The following PHACTR4 variants were observed in gnomAD, a reference collection of about 807,000 sequenced individuals.
PHACTR4 encodes the protein phosphatase and actin regulator 4.
A neutral mutation model predicts 72.7 loss-of-function variants in PHACTR4; 51 were observed. The ratio of observed to expected loss-of-function variants is 0.70; its 90% CI spans 0.56 to 0.89. The LOEUF is 0.89. Ranked by LOEUF, PHACTR4 falls within the 40% of genes least tolerant of loss-of-function variation. The pLI is 0.00. For missense variants in PHACTR4, 731 were observed against 861.8 expected (o/e 0.85, Z 1.90); for synonymous variants, 255 against 302.5 (o/e 0.84, Z 1.63).
chr1:28,424,261 G>A (rs1467775980), intron 2 of PHACTR4, among the ~76,000 whole-genome samples: 1 of 151,900 alleles, frequency 6.6e-6, no homozygotes, highest in African/African-American at 2.4e-5. Flanking sequence ...GTGTGAACAG[G>A]GCTCACTGCA....
intron 1 of PHACTR4, among the ~76,000 whole-genome samples, chr1:28,373,353 C>T (rs1045367910): frequency 1.3e-5 from 2 of 151,950 alleles, no homozygotes; most frequent in Admixed American, 6.6e-5. Context: ...TGCAATGGCA[C>T]GATCTTGGCT....
intron 2 of PHACTR4, among the ~76,000 whole-genome samples, chr1:28,408,483 T>C (rs1221336698): frequency 1.3e-5 from 2 of 152,040 alleles, no homozygotes; most frequent in Non-Finnish European, 2.9e-5. Context: ...ACTTGAGGCC[T>C]GGAAGGCGGA....
intron 1 of PHACTR4, among the ~76,000 whole-genome samples, chr1:28,392,197 C>T (rs534600720): frequency 1.1e-4 from 16 of 152,152 alleles, no homozygotes; most frequent in Admixed American, 6.6e-4. Flanking sequence ...TCTCTCTTGC[C>T]GTCCTGCGTA....
chr1:28,430,311 A>G (rs72882164), intron 2 of PHACTR4, among the ~76,000 whole-genome samples: 42,803 of 152,134 alleles, frequency 0.28, 6,192 homozygotes, highest in Middle Eastern at 0.34. Flanking sequence ...GGCATGAGCC[A>G]CTGCGCCCGG....
chr1:28,436,331 G>C (rs555702779), intron 2 of PHACTR4, among the ~76,000 whole-genome samples: 1 of 151,942 alleles, frequency 6.6e-6, no homozygotes, highest in African/African-American at 2.4e-5. Context: ...CAAACTCTTG[G>C]TGTCAAGTGA....
At chr1:28,425,974 A>G (rs1413367099) in intron 2 of PHACTR4, among the ~76,000 whole-genome samples, 1 of 152,134 alleles carries the variant, frequency 6.6e-6, no homozygotes. Flanking sequence ...TAATCCCAGC[A>G]CTTTGGGAGG....
In PHACTR4 at chr1:28,465,762, T is replaced by C; in HGVS notation, c.349T>C (p.Ser117Pro). The change falls in exon 5 of 14, where the codon TCT becomes CCT. Residue 117 changes from serine (S) to proline (P), a missense_variant. By Grantham distance (74) the Ser-to-Pro change is moderately conservative. Around this residue, in one of 2 missense-constraint regions of PHACTR4, gnomAD observed 621 missense variants for 676.6 expected, o/e 0.92. Transcript: ENST00000373839. Reference sequence around the variant, plus strand: ...CACCCCCATAGGGAATGCCAGATCATCTAGTCCAGTCCAAGTAGAGGAAGA... The same window carrying C: ...CACCCCCATAGGGAATGCCAGATCACCTAGTCCAGTCCAAGTAGAGGAAGA... ...HTTPIGNARS[S>P]SPVQVEEEPV... The C allele has an allele frequency of 1.2e-6, 2 of 1,614,068 alleles. No homozygotes were observed. The highest frequency in any genetic ancestry group is 1.7e-6 in the Non-Finnish European group (2 of 1,179,998).
chr1:28,489,926 C>T (rs915277025), intron 10 of PHACTR4: 7 of 517,914 alleles, frequency 1.4e-5, no homozygotes, highest in African/African-American at 1.3e-4. Context: ...AGTACATTTT[C>T]TAGTGTGGGA....
chr1:28,442,450 G>A (rs963250108), intron 2 of PHACTR4, among the ~76,000 whole-genome samples: 4 of 150,040 alleles, frequency 2.7e-5, no homozygotes, highest in Admixed American at 2.6e-4. Context: ...GCGACAGAGT[G>A]AGACTCTGTC....
intron 2 of PHACTR4, among the ~76,000 whole-genome samples, chr1:28,455,202 T>C (rs867991130): frequency 5.7e-4 from 50 of 87,380 alleles, no homozygotes; most frequent in African/African-American, 1.1e-3. Context: ...TTCTTTCTTT[T>C]TTTTTTTTTT....
At chr1:28,425,241 C>T (rs1302084195) in intron 2 of PHACTR4, among the ~76,000 whole-genome samples, 2 of 152,162 alleles carry the variant, frequency 1.3e-5, no homozygotes, top group Non-Finnish European at 2.9e-5. Flanking sequence ...GCCTTAGCCT[C>T]CCCAGTAGCT....
At chr1:28,448,958 T>C (rs1409123249) in intron 2 of PHACTR4, among the ~76,000 whole-genome samples, 2 of 151,720 alleles carry the variant, frequency 1.3e-5, no homozygotes, top group African/African-American at 4.9e-5. Context: ...GAGACCAGCC[T>C]GGGCAACATA....
chr1:28,473,983 A>G lies in PHACTR4; in HGVS notation c.1253A>G (p.His418Arg). Reference protein sequence around the residue: ...IPSRLPPLPLHIRIQQALTSP... With the variant: ...IPSRLPPLPLRIRIQQALTSP... ...TCTAGGCTGCCTCCACTCCCACTGCATATTCGAATCCAGCAGGCCCTCACC... is the reference window on the plus strand; with the variant it reads ...TCTAGGCTGCCTCCACTCCCACTGCGTATTCGAATCCAGCAGGCCCTCACC... Residue 418 changes from histidine to arginine, a missense_variant, in exon 7 of 14, where the codon CAT becomes CGT. Around this residue, in one of 2 missense-constraint regions of PHACTR4, gnomAD observed 621 missense variants for 676.6 expected, o/e 0.92. Coordinates refer to ENST00000373839, the MANE Select transcript of PHACTR4 (RefSeq NM_001048183.3). 2 of 1,614,138 alleles carry G rather than the reference A, an allele frequency of 1.2e-6. No homozygotes were observed. The highest frequency in any genetic ancestry group is 8.5e-7 in the Non-Finnish European group (1 of 1,180,034).
At chr1:28,472,489 A>G (rs533675890) in intron 6 of PHACTR4, among the ~76,000 whole-genome samples, 4 of 152,374 alleles carry the variant, frequency 2.6e-5, no homozygotes, top group African/African-American at 9.6e-5. Flanking sequence ...TGACAGTTTT[A>G]TAACACAGAG....
chr1:28,433,416 T>C lies in PHACTR4; in HGVS notation c.17-25669T>C, dbSNP rs1017464651. 2.6e-5 allele frequency among the ~76,000 whole-genome samples: 4 copies of C among 151,950 alleles called. No individual in the cohort carries two copies. The East Asian group carries it at 5.8e-4, about 22-fold the overall frequency. On this transcript the variant is annotated intron_variant, in intron 2 of 13. Coordinates refer to ENST00000373839, the MANE Select transcript of PHACTR4 (RefSeq NM_001048183.3). ...AGGGAACATGTAGTGTCTTGGCACA[T>C]AGGCAACAGACTTAGCATTTCTTTC... is the stretch of plus-strand genomic sequence containing the variant.
chr1:28,488,595 C>T (rs1257027976), intron 9 of PHACTR4, among the ~76,000 whole-genome samples: 1 of 151,270 alleles, frequency 6.6e-6, no homozygotes, highest in Non-Finnish European at 1.5e-5. Context: ...GAGTTCAAGA[C>T]TATCCTGGGC....
intron 2 of PHACTR4, among the ~76,000 whole-genome samples, chr1:28,444,230 T>G (rs1330012585): frequency 8.9e-6 from 1 of 112,388 alleles, no homozygotes; most frequent in African/African-American, 3.4e-5. Flanking sequence ...TTTTTTTTTT[T>G]TTTTTTTTTT....
Position 28,427,525 on chromosome 1 carries a change from CAAAATAA to C in PHACTR4, c.16+20080_16+20086del, listed in dbSNP as rs576154665. ...TGGGCAACAGAGCGAGACCCTGTCT[CAAAATAA>C]AAAATAAAAAATAAAAAGGCTATAG... On this transcript the variant is annotated intron_variant, in intron 2 of 13. Transcript: ENST00000373839. 1.0e-3 allele frequency among the ~76,000 whole-genome samples: 152 copies of C among 151,622 alleles called. 2 individuals are homozygous for C. Among genetic ancestry groups the C allele is most frequent in the East Asian group, 7.7e-3 (40 of 5,178 alleles).
At chr1:28,482,061 C>T (rs926833141) in intron 9 of PHACTR4, among the ~76,000 whole-genome samples, 1 of 151,936 alleles carries the variant, frequency 6.6e-6, no homozygotes, top group Non-Finnish European at 1.5e-5. Flanking sequence ...CCACACCTGG[C>T]TAATTTTTGT....
Sources: allele counts gnomAD v4.1 joint callset (sites outside exome capture counted in the v4.1 genomes callset), GRCh38; gene constraint gnomAD v4.1.1; regional missense constraint gnomAD v4.1.1; transcripts MANE v1.5; gene names NCBI Gene and HGNC (gene_info 2026-07-23, HGNC 2026-07-21).